The following SLC22A24 variants were observed in gnomAD, a reference collection of about 807,000 sequenced individuals.
SLC22A24 encodes the protein solute carrier family 22 member 24, also known as steroid transmembrane transporter SLC22A24.
A neutral mutation model predicts 49.8 loss-of-function variants in SLC22A24; 53 were observed. That is an observed-to-expected ratio of 1.06 (90% CI 0.85 to 1.34). SLC22A24 has a LOEUF of 1.34. SLC22A24 is among the 40% of genes most tolerant of loss of function. The pLI, the probability that SLC22A24 is intolerant of heterozygous loss-of-function variation, is 0.00. For synonymous variants in SLC22A24, 302 were observed against 256.4 expected (o/e 1.18, Z -1.70); for missense variants, 786 against 675.9 (o/e 1.16, Z -1.81).
intron 4 of SLC22A24, among the ~76,000 whole-genome samples, chr11:63,111,895 T>C (rs2087168159): frequency 6.6e-6 from 1 of 151,926 alleles, no homozygotes; most frequent in Admixed American, 6.6e-5. Context: ...CTGCTAGCTT[T>C]TGAATGTGTT....
intron 5 of SLC22A24, among the ~76,000 whole-genome samples, chr11:63,098,158 G>A (rs1452433633): frequency 6.6e-6 from 1 of 152,068 alleles, no homozygotes; most frequent in African/African-American, 2.4e-5. Flanking sequence ...CTAGAATTCA[G>A]TAACAAGAGA....
chr11:63,082,263 A>C (rs1440983767), intron 7 of SLC22A24, among the ~76,000 whole-genome samples: 2 of 152,214 alleles, frequency 1.3e-5, no homozygotes, highest in African/African-American at 4.8e-5. Flanking sequence ...CAGGATTGTA[A>C]AACCTAACAT....
intron 2 of SLC22A24, among the ~76,000 whole-genome samples, chr11:63,123,567 G>A (rs1001010763): frequency 6.6e-6 from 1 of 152,066 alleles, no homozygotes; most frequent in Non-Finnish European, 1.5e-5. Flanking sequence ...AGGCAACTCC[G>A]ACCCAGAAAG....
chr11:63,108,867 T>G (rs940387711), intron 4 of SLC22A24, among the ~76,000 whole-genome samples: 1 of 151,442 alleles, frequency 6.6e-6, no homozygotes, highest in African/African-American at 2.4e-5. Context: ...TTATTATACT[T>G]TAAGTTTTAG....
intron 4 of SLC22A24, among the ~76,000 whole-genome samples, chr11:63,105,866 T>A (rs2087117909): frequency 6.6e-6 from 1 of 152,162 alleles, no homozygotes; most frequent in Non-Finnish European, 1.5e-5. Flanking sequence ...TATCACATCA[T>A]CAGGCTGCAA....
chr11:63,134,159 A>T (rs1424812576), intron 2 of SLC22A24, among the ~76,000 whole-genome samples: 8 of 152,192 alleles, frequency 5.3e-5, no homozygotes, highest in Non-Finnish European at 8.8e-5. Flanking sequence ...TATAATGATG[A>T]CTACCCACTG....
In SLC22A24 at chr11:63,127,454, T is replaced by A. The variant is rs183979716; in HGVS notation, c.506+7211A>T. ...CAATAAACATACGTGTGCATGTGTCTTTAGAGTAGCATGATTTATAATCCT... is the reference window on the plus strand; with the variant it reads ...CAATAAACATACGTGTGCATGTGTCATTAGAGTAGCATGATTTATAATCCT... On this transcript the variant is annotated intron_variant, in intron 2 of 9. Coordinates refer to ENST00000612278, the MANE Select transcript of SLC22A24 (RefSeq NM_001136506.2). Among the ~76,000 whole-genome samples, 293 of 152,320 alleles carry A rather than the reference T, an allele frequency of 1.9e-3. 2 individuals are homozygous for A. The highest frequency in any genetic ancestry group is 3.3e-3 in the Non-Finnish European group (225 of 68,022).
chr11:63,138,734 A>C (rs1359897954), intron 1 of SLC22A24, among the ~76,000 whole-genome samples: 2 of 151,588 alleles, frequency 1.3e-5, no homozygotes, highest in Non-Finnish European at 2.9e-5. Context: ...TGTATAGTTC[A>C]ATAGCTAAGG....
chr11:63,131,965 GC>G (rs1443505978), intron 2 of SLC22A24, among the ~76,000 whole-genome samples: 2 of 152,078 alleles, frequency 1.3e-5, no homozygotes, highest in African/African-American at 4.8e-5. Flanking sequence ...TTTCTTGACA[GC>G]TTTGTTCATT....
At chr11:63,129,957 C>A (rs1164606681) in intron 2 of SLC22A24, among the ~76,000 whole-genome samples, 5 of 151,774 alleles carry the variant, frequency 3.3e-5, no homozygotes. Context: ...TCTAACTGAA[C>A]ACCCTTTATT....
At chr11:63,090,674 T>TAAATAAATAAAC (rs1454261798) in intron 6 of SLC22A24, among the ~76,000 whole-genome samples, 1 of 145,936 alleles carries the variant, frequency 6.9e-6, no homozygotes, top group Non-Finnish European at 1.5e-5. Context: ...AATAAATAAA[T>TAAATAAATAAAC]AAATAAATAA....
intron 5 of SLC22A24, among the ~76,000 whole-genome samples, chr11:63,101,830 G>A (rs1490485016): frequency 6.6e-6 from 1 of 151,928 alleles, no homozygotes; most frequent in African/African-American, 2.4e-5. Context: ...GAAATAAGCC[G>A]GACACAGAAA....
intron 6 of SLC22A24, among the ~76,000 whole-genome samples, chr11:63,091,811 G>T (rs993270281): frequency 2.0e-5 from 3 of 151,312 alleles, no homozygotes; most frequent in East Asian, 1.9e-4. Flanking sequence ...ATTCTAAATG[G>T]CAAAAACTGG....
At chr11:63,081,170 A>C in intron 8 of SLC22A24, 47 bp from the exon 9 acceptor site, 1 of 1,453,212 alleles carries the variant, frequency 6.9e-7, no homozygotes, top group South Asian at 1.2e-5. Context: ...GAATCTGTAC[A>C]TGTCAGCTCT....
At chr11:63,080,580 C>T (rs1006050026) in intron 9 of SLC22A24, among the ~76,000 whole-genome samples, 9 of 152,184 alleles carry the variant, frequency 5.9e-5, no homozygotes, top group Non-Finnish European at 1.3e-4. Context: ...GAGAATGAGG[C>T]ATTTGAGTCT....
intron 6 of SLC22A24, among the ~76,000 whole-genome samples, chr11:63,090,606 T>G (rs952944560): frequency 2.0e-5 from 3 of 151,362 alleles, no homozygotes; most frequent in African/African-American, 4.9e-5. Flanking sequence ...GAATGACTAC[T>G]GGGTAAATAA....
intron 5 of SLC22A24, among the ~76,000 whole-genome samples, chr11:63,097,179 C>G (rs537854340): frequency 5.4e-4 from 82 of 151,704 alleles, no homozygotes; most frequent in Non-Finnish European, 2.1e-4. Flanking sequence ...ATCTATCCAT[C>G]TGTCAAAGGG....
chr11:63,104,165 T>G lies in SLC22A24; in HGVS notation c.954+10A>C, dbSNP rs2087106755. 1 of 1,548,654 alleles carries G rather than the reference T, an allele frequency of 6.5e-7. No homozygotes were observed. The highest frequency in any genetic ancestry group is 1.4e-5 in the African/African-American group (1 of 73,002). ...TTAATCACAGCAATCATTTCCCCTTTCCAGATCACCTCAGTGGTCAGTGTC... is the reference window on the plus strand; with the variant it reads ...TTAATCACAGCAATCATTTCCCCTTGCCAGATCACCTCAGTGGTCAGTGTC... On this transcript the variant is annotated intron_variant, in intron 5 of 9. Transcript: ENST00000612278.
At chr11:63,131,217 T>C (rs1451558328) in intron 2 of SLC22A24, among the ~76,000 whole-genome samples, 1 of 152,162 alleles carries the variant, frequency 6.6e-6, no homozygotes. Flanking sequence ...ATAAAGAGTC[T>C]TGACTCTTTA....
Sources: gnomAD v4.1 joint callset for allele counts (sites outside exome capture counted in the v4.1 genomes callset) on GRCh38, gnomAD v4.1.1 for gene constraint, MANE v1.5 for transcripts, NCBI Gene and HGNC (gene_info 2026-07-23, HGNC 2026-07-21) for gene names.